Variants in TRAPPC9 observed in about 807,000 individuals in gnomAD.
The protein encoded by TRAPPC9 is trafficking protein particle complex subunit 9.
In TRAPPC9, 83 loss-of-function variants were observed where a neutral mutation model predicts 124.0. That is an observed-to-expected ratio of 0.67 (90% confidence interval 0.56 to 0.80). The LOEUF (loss-of-function observed/expected upper bound fraction) is 0.80. Among genes scored for constraint, TRAPPC9 ranks in the 30% least tolerant of loss-of-function variants. The probability of loss-of-function intolerance (pLI) is 0.00; values close to 1 mark genes in which losing one functional copy is unlikely to be tolerated. For missense variants in TRAPPC9, 1,302 were observed against 1,508.3 expected (o/e 0.86, Z 2.27); for synonymous variants, 638 against 617.5 (o/e 1.03, Z -0.49).
At chr8:140,134,172 T>C (rs1013510369) in intron 17 of TRAPPC9, among the ~76,000 whole-genome samples, 32 of 152,158 alleles carry the variant, frequency 2.1e-4, no homozygotes, top group African/African-American at 6.8e-4. Context: ...AATACAAACA[T>C]TGTGGTTCTG....
At chr8:140,002,844 C>CAAAAAA (rs56895763) in intron 18 of TRAPPC9, among the ~76,000 whole-genome samples, 131 of 68,794 alleles carry the variant, frequency 1.9e-3, no homozygotes, top group East Asian at 3.6e-3. Flanking sequence ...TTCCACTTAT[C>CAAAAAA]AAAAAAAAAA....
At chr8:140,272,534 G>C (rs140167532) in intron 15 of TRAPPC9, among the ~76,000 whole-genome samples, 2 of 152,248 alleles carry the variant, frequency 1.3e-5, no homozygotes, top group African/African-American at 4.8e-5. Context: ...AAAAGTAGCA[G>C]TGTATTAATT....
intron 21 of TRAPPC9, among the ~76,000 whole-genome samples, chr8:139,831,743 C>G (rs1376670419): frequency 6.6e-6 from 1 of 152,194 alleles, no homozygotes; most frequent in Non-Finnish European, 1.5e-5. Context: ...CTTTGCAAAG[C>G]AACTTGCCGC....
intron 8 of TRAPPC9, among the ~76,000 whole-genome samples, chr8:140,366,146 C>T (rs991252944): frequency 2.6e-5 from 4 of 152,156 alleles, no homozygotes; most frequent in Non-Finnish European, 1.5e-5. Flanking sequence ...ATATGTAGCA[C>T]ATTTTCTTTA....
rs565328756 is a variant in TRAPPC9, at chr8:139,854,760, C to T, written c.3055+31119G>A. ...CTCACAGAAGCCTTGCTTGCAGCTA[C>T]CCTCAGCAGCATCTGAGGACTTGGC... On this transcript the variant is annotated intron_variant, in intron 21 of 22. Transcript: ENST00000438773. Among the ~76,000 whole-genome samples the T allele has an allele frequency of 2.0e-5, 3 of 152,346 alleles. No homozygotes were observed. In the South Asian group the frequency reaches 6.2e-4, roughly 32 times the overall value.
At chr8:140,443,131 CAAAAAAAAA>C (rs1177286944) in intron 2 of TRAPPC9, among the ~76,000 whole-genome samples, 9,797 of 44,120 alleles carry the variant, frequency 0.22, 1,130 homozygotes, top group East Asian at 0.57. Context: ...GACTCCATCT[CAAAAAAAAA>C]AAAAAAAAAA....
At chr8:140,109,748 C>T (rs1376227069) in intron 17 of TRAPPC9, among the ~76,000 whole-genome samples, 2 of 152,140 alleles carry the variant, frequency 1.3e-5, no homozygotes, top group Non-Finnish European at 2.9e-5. Context: ...AATTCCTTTC[C>T]TCATTTGCCA....
intron 11 of TRAPPC9, among the ~76,000 whole-genome samples, chr8:140,299,033 G>A (rs892703132): frequency 6.6e-6 from 1 of 152,228 alleles, no homozygotes; most frequent in South Asian, 2.1e-4. Context: ...GAGATGGTGG[G>A]AGGAGTGGCC....
chr8:139,969,025 G>C (rs1835893688), intron 19 of TRAPPC9, among the ~76,000 whole-genome samples: 2 of 152,206 alleles, frequency 1.3e-5, no homozygotes, highest in African/African-American at 4.8e-5. Flanking sequence ...TCATGGTTTT[G>C]TGTGTGTGTG....
intron 15 of TRAPPC9, among the ~76,000 whole-genome samples, chr8:140,263,848 T>C (rs2064518401): frequency 6.6e-6 from 1 of 152,220 alleles, no homozygotes. Flanking sequence ...ACTAGTCTGC[T>C]GGCCTGGCTA....
intron 17 of TRAPPC9, among the ~76,000 whole-genome samples, chr8:140,165,717 T>C (rs1195407421): frequency 1.3e-5 from 2 of 151,918 alleles, no homozygotes; most frequent in Non-Finnish European, 2.9e-5. Context: ...CTGAAGTCCA[T>C]AGAGCTCAAG....
intron 21 of TRAPPC9, among the ~76,000 whole-genome samples, chr8:139,828,141 C>T (rs1417996060): frequency 2.0e-5 from 3 of 152,074 alleles, no homozygotes; most frequent in Admixed American, 1.3e-4. Context: ...CAAGCTTCCC[C>T]GATGGGTCTG....
intron 17 of TRAPPC9, among the ~76,000 whole-genome samples, chr8:140,055,470 A>G (rs1842242907): frequency 6.6e-6 from 1 of 152,254 alleles, no homozygotes; most frequent in Non-Finnish European, 1.5e-5. Flanking sequence ...TGAAGCAAGG[A>G]TGACCACTCT....
intron 21 of TRAPPC9, among the ~76,000 whole-genome samples, chr8:139,787,436 T>C (rs569486906): frequency 9.7e-4 from 148 of 152,182 alleles, no homozygotes; most frequent in Non-Finnish European, 1.8e-3. Context: ...AGATGACACC[T>C]TCCCTAAAAT....
intron 18 of TRAPPC9, among the ~76,000 whole-genome samples, chr8:139,992,520 A>G (rs148971365): frequency 7.0e-4 from 107 of 152,058 alleles, no homozygotes; most frequent in African/African-American, 2.4e-3. Context: ...CAAAGATGGA[A>G]AGACTTAATA....
chr8:140,076,588 C>T (rs1183558825), intron 17 of TRAPPC9, among the ~76,000 whole-genome samples: 1 of 152,248 alleles, frequency 6.6e-6, no homozygotes, highest in Non-Finnish European at 1.5e-5. Flanking sequence ...CCCATCCCCT[C>T]TGGGTGCCCA....
At chr8:140,132,177 A>T (rs960171018) in intron 17 of TRAPPC9, among the ~76,000 whole-genome samples, 2 of 152,132 alleles carry the variant, frequency 1.3e-5, no homozygotes, top group African/African-American at 4.8e-5. Flanking sequence ...GGACTTTCTC[A>T]TCTCTGCACC....
At chr8:139,887,022 G>A (rs1208860900) in intron 20 of TRAPPC9, among the ~76,000 whole-genome samples, 2 of 152,072 alleles carry the variant, frequency 1.3e-5, no homozygotes, top group Non-Finnish European at 2.9e-5. Context: ...GCTCAGAGGT[G>A]CTCAGCAGAG....
rs2071084204 is a variant in TRAPPC9 at position 140,443,005 on chromosome 8, T to C, written c.585-3808A>G. Among the ~76,000 whole-genome samples, 5 of 149,308 alleles carry C rather than the reference T, an allele frequency of 3.3e-5. 1 individual carries two copies. The highest frequency in any genetic ancestry group is 3.3e-4 in the Admixed American group (5 of 14,962). On this transcript the variant is annotated intron_variant, in intron 2 of 22. Transcript: ENST00000438773. ...AGAATTAGCTGGGCATGGTGGCACGTGCCTGTAGTCCCAGCTACTCAGGAG... is the reference window on the plus strand; with the variant it reads ...AGAATTAGCTGGGCATGGTGGCACGCGCCTGTAGTCCCAGCTACTCAGGAG...
Sources: gnomAD v4.1 joint callset for allele counts (sites outside exome capture counted in the v4.1 genomes callset) on GRCh38, gnomAD v4.1.1 for gene constraint, MANE v1.5 for transcripts, NCBI Gene and HGNC (gene_info 2026-07-23, HGNC 2026-07-21) for gene names.